The following P2RY2 variants were observed in gnomAD, a reference collection of about 807,000 sequenced individuals.
P2RY2 encodes the protein P2Y purinoceptor 2.
For synonymous variants in P2RY2, 241 were observed against 231.9 expected (o/e 1.04, Z -0.35); for missense variants, 567 against 515.7 (o/e 1.10, Z -0.96).
intron 2 of P2RY2, among the ~76,000 whole-genome samples, chr11:73,230,872 G>A (rs1029908093): frequency 3.7e-4 from 55 of 147,410 alleles, no homozygotes; most frequent in Non-Finnish European, 5.7e-4. Flanking sequence ...AGGATTTCAA[G>A]TAGGGGGATG....
At chr11:73,231,731 T>C (rs1862465406) in intron 2 of P2RY2, among the ~76,000 whole-genome samples, 1 of 151,682 alleles carries the variant, frequency 6.6e-6, no homozygotes, top group East Asian at 1.9e-4. Flanking sequence ...AGTCCCCCAG[T>C]CCCTTAGAAC....
In P2RY2 at chr11:73,237,005, G is replaced by GC; in HGVS notation, c.*1717dup. 1 of 985,220 alleles carries GC rather than the reference G, an allele frequency of 1.0e-6. No individual in the cohort carries two copies. The allele number at this position is 985,220 out of a possible 1,614,324, so 61.0% of individuals were successfully genotyped here. On this transcript the variant is annotated 3_prime_UTR_variant, in exon 3 of 3. Transcript: ENST00000393597. ...CCTCGCCCTGTGGCCCACTCTGCCTGCCCCCTCTGACCTCTCCACCCTTCC... is the reference window on the plus strand; with the variant it reads ...CCTCGCCCTGTGGCCCACTCTGCCTGCCCCCCTCTGACCTCTCCACCCTTCC...
In P2RY2 at chr11:73,237,299, T is replaced by G. The variant is rs1862677728; in HGVS notation, c.*2006T>G. 2 of 187,234 alleles carry G rather than the reference T, an allele frequency of 1.1e-5. No individual in the cohort carries two copies. 11.6% of individuals were successfully genotyped at this position (187,234 alleles called of 1,614,324 possible). On this transcript the variant is annotated 3_prime_UTR_variant, in exon 3 of 3. Transcript: ENST00000393597. ...CTTGTTCTGTCACCCAGGCTGGAAGTGCAGTGCTGCGGTCTTGGCTCACTG... is the reference window on the plus strand; with the variant it reads ...CTTGTTCTGTCACCCAGGCTGGAAGGGCAGTGCTGCGGTCTTGGCTCACTG...
chr11:73,223,574 T>C (rs12364461), intron 1 of P2RY2, among the ~76,000 whole-genome samples: 12,097 of 152,274 alleles, frequency 0.079, 614 homozygotes, highest in South Asian at 0.23. Context: ...TCTCCCCATC[T>C]GACCACTGAA....
chr11:73,227,021 C>A (rs1862297719), intron 1 of P2RY2, among the ~76,000 whole-genome samples: 1 of 152,086 alleles, frequency 6.6e-6, no homozygotes, highest in African/African-American at 2.4e-5. Flanking sequence ...TGGTGGTTTG[C>A]TGCACCCATC....
At position 73,236,919 on chromosome 11, in the gene P2RY2, G is replaced by C; in HGVS notation, c.*1626G>C. The C allele has an allele frequency of 1.0e-6, 1 of 985,166 alleles. No individual in the cohort carries two copies. Among genetic ancestry groups the C allele is most frequent in the Non-Finnish European group, 1.2e-6 (1 of 829,722 alleles). 61.0% of individuals were successfully genotyped at this position (985,166 alleles called of 1,614,324 possible). On this transcript the variant is annotated 3_prime_UTR_variant, in exon 3 of 3. Transcript: ENST00000393597. ...AGCCTTTGGAAAGGGACAGGGCAAA[G>C]CTGACAGGCCTCACTCTTGATCTCA... is the stretch of plus-strand genomic sequence containing the variant.
chr11:73,234,668 A>C lies in P2RY2; in HGVS notation c.509A>C (p.Tyr170Ser), dbSNP rs565820137. 4.4e-6 allele frequency: 7 copies of C among 1,593,672 alleles called. No individual in the cohort carries two copies. In the South Asian group the frequency reaches 7.9e-5, roughly 18 times the overall value. Residue 170 changes from tyrosine to serine, a missense_variant, in exon 3 of 3, where the codon TAC (tyrosine) becomes TCC (serine). Coordinates refer to ENST00000393597, the MANE Select transcript of P2RY2 (RefSeq NM_002564.4). ...LVLACQAPVLYFVTTSARGGR... is the reference protein window; with the variant it reads ...LVLACQAPVLSFVTTSARGGR... ...CTGGCCTGCCAGGCCCCCGTGCTCT[A>C]CTTTGTCACCACCAGCGCGCGCGGG...
chr11:73,228,270 A>G (rs1440881361), intron 2 of P2RY2, 95 bp downstream of exon 2: 1 of 151,928 alleles, frequency 6.6e-6, no homozygotes, highest in African/African-American at 2.4e-5. Context: ...ACTGGCTTAG[A>G]TCAAGCGGAT....
intron 1 of P2RY2, among the ~76,000 whole-genome samples, chr11:73,220,788 G>C (rs1862095625): frequency 6.6e-6 from 1 of 152,162 alleles, no homozygotes; most frequent in Non-Finnish European, 1.5e-5. Flanking sequence ...GCTGTGGAGT[G>C]AGGCTGTGAC....
Position 73,237,043 on chromosome 11 carries a change from T to C in P2RY2, c.*1750T>C. 1.0e-6 allele frequency: 1 copy of C among 985,212 alleles called. No homozygotes were observed. Among genetic ancestry groups the C allele is most frequent in the Non-Finnish European group, 1.2e-6 (1 of 829,872 alleles). The allele number at this position is 985,212 out of a possible 1,614,324, so 61.0% of individuals were successfully genotyped here. ...TCTCCACCCTTCCCACTCTGCCTTG[T>C]GAAAGGCAGGACATCCCCAAAGCTT... On this transcript the variant is annotated 3_prime_UTR_variant, in exon 3 of 3. Transcript: ENST00000393597.
chr11:73,223,198 A>G (rs1862170806), intron 1 of P2RY2, among the ~76,000 whole-genome samples: 2 of 152,312 alleles, frequency 1.3e-5, no homozygotes, highest in South Asian at 4.2e-4. Context: ...TGGAGGGGCC[A>G]TCTCAGAATC....
chr11:73,234,335 T>G lies in P2RY2; in HGVS notation c.176T>G (p.Leu59Trp). The change falls in exon 3 of 3, where the codon TTG becomes TGG. Residue 59 changes from leucine to tryptophan, a missense_variant. Physicochemically the swap from Leu to Trp is moderately conservative, Grantham distance 61 (BLOSUM62 -2). Coordinates refer to ENST00000393597, the MANE Select transcript of P2RY2 (RefSeq NM_002564.4). ...AACGCCGTGGCGCTCTACATCTTCT[T>G]GTGCCGCCTCAAGACCTGGAATGCG... ...CLNAVALYIF[L>W]CRLKTWNAST... The G allele has an allele frequency of 1.9e-6, 3 of 1,614,242 alleles. No individual in the cohort carries two copies. Among genetic ancestry groups the G allele is most frequent in the Non-Finnish European group, 2.5e-6 (3 of 1,180,042 alleles).
rs765490608 is a variant in P2RY2, at chr11:73,234,172, C to G, written c.13C>G (p.Leu5Val). Reference sequence around the variant, plus strand: ...TCCCTGCAGGGCGATGGCAGCAGACCTGGGCCCCTGGAATGACACCATCAA... The same window carrying G: ...TCCCTGCAGGGCGATGGCAGCAGACGTGGGCCCCTGGAATGACACCATCAA... MAAD[L>V]GPWNDTINGT... The change falls in exon 3 of 3, where the codon CTG becomes GTG. Residue 5 changes from leucine to valine, a missense_variant. Physicochemically the swap from Leu to Val is conservative, Grantham distance 32. Transcript: ENST00000393597. 5 of 1,610,022 alleles carry G rather than the reference C, an allele frequency of 3.1e-6. No homozygotes were observed. The highest frequency in any genetic ancestry group is 4.2e-6 in the Non-Finnish European group (5 of 1,177,812).
Position 73,236,488 on chromosome 11 carries a change from T to C in P2RY2, c.*1195T>C, listed in dbSNP as rs1158088809. ...CCTGGAGTGGGAGACTCCTGAGCTG[T>C]AGCTTCTGAGAAAAGCAGCTCACCG... On this transcript the variant is annotated 3_prime_UTR_variant, in exon 3 of 3. Coordinates refer to ENST00000393597, the MANE Select transcript of P2RY2 (RefSeq NM_002564.4). The C allele has an allele frequency of 1.1e-6, 1 of 921,936 alleles. No homozygotes were observed. The highest frequency in any genetic ancestry group is 1.3e-6 in the Non-Finnish European group (1 of 771,624). 57.1% of individuals were successfully genotyped at this position (921,936 alleles called of 1,614,324 possible).
At chr11:73,227,642 C>G (rs1342913986) in intron 1 of P2RY2, among the ~76,000 whole-genome samples, 1 of 152,140 alleles carries the variant, frequency 6.6e-6, no homozygotes, top group Non-Finnish European at 1.5e-5. Flanking sequence ...ACTTTTCCTG[C>G]TATGGGGCCA....
In P2RY2 at chr11:73,228,154, C is replaced by A. The variant is rs1379128623; in HGVS notation, c.-26C>A. 9.6e-6 allele frequency: 1 copy of A among 103,692 alleles called. No individual in the cohort carries two copies. Among genetic ancestry groups the A allele is most frequent in the Non-Finnish European group, 1.9e-5 (1 of 53,434 alleles). The allele number at this position is 103,692 out of a possible 1,614,324, so 6.4% of individuals were successfully genotyped here. ...CCGTGCAGGCGCTGAGCATCCTGAC[C>A]TGGAGAGCAGGGGCTGGTCAGGTAC... On this transcript the variant is annotated 5_prime_UTR_variant, in exon 2 of 3. In the 5' UTR this introduces an upstream ATG that the reference lacks. Transcript: ENST00000393597.
Position 73,237,362 on chromosome 11 carries a change from C to T in P2RY2, c.*2069C>T, listed in dbSNP as rs1034939635. Among the ~76,000 whole-genome samples, 2 of 152,258 alleles carry T rather than the reference C, an allele frequency of 1.3e-5. No individual in the cohort carries two copies. Among genetic ancestry groups the T allele is most frequent in the South Asian group, 2.1e-4 (1 of 4,828 alleles). ...TCCCGGGTTCAAGCAATTCTCCTGC[C>T]TCAGTTTCCCAAGTAGCTGGGATTA... On this transcript the variant is annotated 3_prime_UTR_variant, in exon 3 of 3. Coordinates refer to ENST00000393597, the MANE Select transcript of P2RY2 (RefSeq NM_002564.4).
chr11:73,239,753 G>C lies in P2RY2; in HGVS notation c.*4460G>C, dbSNP rs144498956. 6.6e-6 allele frequency: 1 copy of C among 152,640 alleles called. No individual in the cohort carries two copies. Among genetic ancestry groups the C allele is most frequent in the East Asian group, 1.9e-4 (1 of 5,186 alleles). 9.5% of individuals were successfully genotyped at this position (152,640 alleles called of 1,614,324 possible). A position where few individuals can be genotyped will look rare whatever the true frequency, so the allele number is the denominator to read the frequency against. ...CACCTCAGTGAAGGCACAACCAACAGCTGCTCCCCGGGCATTTCCAAGACC... is the reference window on the plus strand; with the variant it reads ...CACCTCAGTGAAGGCACAACCAACACCTGCTCCCCGGGCATTTCCAAGACC... On this transcript the variant is annotated 3_prime_UTR_variant, in exon 3 of 3. Transcript: ENST00000393597.
chr11:73,235,338 A>T lies in P2RY2; in HGVS notation c.*45A>T. On this transcript the variant is annotated 3_prime_UTR_variant, in exon 3 of 3. Transcript: ENST00000393597. ...GTGCAGGTTTATATTGGGAAGCTGT[A>T]GAGGACCAGGACTTGTGCAGACGCC... 1 of 1,515,622 alleles carries T rather than the reference A, an allele frequency of 6.6e-7. No individual in the cohort carries two copies. Among genetic ancestry groups the T allele is most frequent in the Non-Finnish European group, 8.8e-7 (1 of 1,131,884 alleles). The allele number at this position is 1,515,622 out of a possible 1,614,324, so 93.9% of individuals were successfully genotyped here.
Sources: gnomAD v4.1 joint callset for allele counts (sites outside exome capture counted in the v4.1 genomes callset) on GRCh38, gnomAD v4.1.1 for gene constraint, MANE v1.5 for transcripts, NCBI Gene and HGNC (gene_info 2026-07-23, HGNC 2026-07-21) for gene names.